LEPR: variants seen among roughly 807,000 people sequenced by gnomAD.
LEPR encodes the protein OB receptor.
LEPR carries 56 observed loss-of-function variants against 114.7 expected under a neutral mutation model. The observed-to-expected ratio is 0.49, with a 90% CI of 0.39 to 0.61. The LOEUF (loss-of-function observed/expected upper bound fraction) is 0.61. Among genes scored for constraint, LEPR ranks in the 20% least tolerant of loss-of-function variants. The probability of loss-of-function intolerance (pLI) is 0.00; values close to 1 mark genes in which losing one functional copy is unlikely to be tolerated. For missense variants in LEPR, 1,202 were observed against 1,352.9 expected (o/e 0.89, Z 1.75); for synonymous variants, 443 against 461.4 (o/e 0.96, Z 0.51).
intron 19 of LEPR, chr1:65,634,259 C>G (rs539064894): frequency 2.0e-6 from 2 of 975,806 alleles, no homozygotes; most frequent in Non-Finnish European, 2.4e-6. Flanking sequence ...AGATTTAACT[C>G]GTAGTTTTAT....
chr1:65,572,499 A>G (rs1456354102), intron 5 of LEPR, 50 bp downstream of exon 5: 1 of 1,513,652 alleles, frequency 6.6e-7, no homozygotes, highest in Non-Finnish European at 9.1e-7. Context: ...GTTTTTTTAA[A>G]AGAGCTTTCA....
At chr1:65,630,172 C>T in intron 19 of LEPR, 1 of 248,626 alleles carries the variant, frequency 4.0e-6, no homozygotes, top group Non-Finnish European at 7.9e-6. Context: ...TTACTCCTCA[C>T]TGTTTACTTA....
intron 2 of LEPR, among the ~76,000 whole-genome samples, chr1:65,472,196 T>A (rs183658655): frequency 6.1e-4 from 93 of 152,046 alleles, no homozygotes; most frequent in African/African-American, 1.4e-3. Flanking sequence ...CCGTTTTTTT[T>A]AAAAAAGCAT....
intron 2 of LEPR, among the ~76,000 whole-genome samples, chr1:65,511,283 A>C (rs10889558): frequency 2.6e-5 from 4 of 151,882 alleles, no homozygotes; most frequent in African/African-American, 9.7e-5. Flanking sequence ...ACCAACATCC[A>C]CACAACCTGG....
chr1:65,554,831 C>T (rs948516450), intron 2 of LEPR, among the ~76,000 whole-genome samples: 1 of 152,032 alleles, frequency 6.6e-6, no homozygotes. Flanking sequence ...AAACCCAGGG[C>T]CCTGGTGGTG....
rs984315459 is a variant in LEPR, at chr1:65,534,315, C to G, written c.-20-31231C>G. On this transcript the variant is annotated intron_variant, in intron 2 of 19. Coordinates refer to ENST00000349533, the MANE Select transcript of LEPR (RefSeq NM_002303.6). ...GTTACCATATGAATCCTTAAGTTAT[C>G]GAAGTTGAAAATGAATACACTTTGA... Among the ~76,000 whole-genome samples, 15 of 152,160 alleles carry G rather than the reference C, an allele frequency of 9.9e-5. No homozygotes were observed. The South Asian group carries it at 2.5e-3, about 25-fold the overall frequency.
At chr1:65,629,546 A>G (rs529344239) in intron 19 of LEPR, among the ~76,000 whole-genome samples, 1 of 152,270 alleles carries the variant, frequency 6.6e-6, no homozygotes, top group East Asian at 1.9e-4. Flanking sequence ...CCTGTTGATC[A>G]AAATTGTGCC....
At chr1:65,479,301 A>G (rs1225340760) in intron 2 of LEPR, among the ~76,000 whole-genome samples, 1 of 152,182 alleles carries the variant, frequency 6.6e-6, no homozygotes. Flanking sequence ...CAGCAGCATT[A>G]TTAAATAATG....
At position 65,633,732 on chromosome 1, in the gene LEPR, G is replaced by T. The variant is rs41285898; in HGVS notation, c.2674-2459G>T. ...CGGGTGTTCTTTTGAATATCTCCTG[G>T]CATTTTTGTATCTAACTTTGTTCAA... On this transcript the variant is annotated intron_variant, in intron 19 of 19. Coordinates refer to ENST00000349533, the MANE Select transcript of LEPR (RefSeq NM_002303.6). The surrounding 1 kb of genome is among the most constrained non-coding windows in gnomAD (Gnocchi z 4.1). The T allele has an allele frequency of 2.5e-5, 25 of 985,074 alleles. No individual in the cohort carries two copies. Among genetic ancestry groups the T allele is most frequent in the Non-Finnish European group, 2.9e-5 (24 of 829,732 alleles). The allele number at this position is 985,074 out of a possible 1,614,324, so 61.0% of individuals were successfully genotyped here. A position where few individuals can be genotyped will look rare whatever the true frequency, so the allele number is the denominator to read the frequency against.
chr1:65,523,830 T>A (rs754405123), intron 2 of LEPR, among the ~76,000 whole-genome samples: 2 of 152,016 alleles, frequency 1.3e-5, no homozygotes, highest in Non-Finnish European at 2.9e-5. Context: ...GGAAAAAGGG[T>A]CTTTGCAGAT....
At chr1:65,554,654 G>A (rs193049561) in intron 2 of LEPR, among the ~76,000 whole-genome samples, 110 of 152,258 alleles carry the variant, frequency 7.2e-4, no homozygotes, top group African/African-American at 2.5e-3. Context: ...CTCCATGGGG[G>A]TGGTATCCGC....
At chr1:65,533,489 A>G (rs1480588517) in intron 2 of LEPR, among the ~76,000 whole-genome samples, 1 of 152,074 alleles carries the variant, frequency 6.6e-6, no homozygotes, top group African/African-American at 2.4e-5. Flanking sequence ...TTTCTTTATT[A>G]TTTCTTTTTC....
chr1:65,504,200 A>AATAGG (rs949713524), intron 2 of LEPR, among the ~76,000 whole-genome samples: 1 of 152,178 alleles, frequency 6.6e-6, no homozygotes, highest in Non-Finnish European at 1.5e-5. Flanking sequence ...TAAGTAAACA[A>AATAGG]ATAGGGAACA....
In LEPR at chr1:65,472,411, A is replaced by AACACAC. The variant is rs71721804; in HGVS notation, c.-21+47062_-21+47067dup. On this transcript the variant is annotated intron_variant, in intron 2 of 19. Coordinates refer to ENST00000349533, the MANE Select transcript of LEPR (RefSeq NM_002303.6). Reference sequence around the variant, plus strand: ...CTCTGGGTCATTTAGCTGTGGCTAAAACACACACACACACACACACACACA... The same window carrying AACACAC: ...CTCTGGGTCATTTAGCTGTGGCTAAAACACACACACACACACACACACACACACACA... Among the ~76,000 whole-genome samples the AACACAC allele has an allele frequency of 9.6e-3, 1,283 of 133,276 alleles. 19 individuals are homozygous for AACACAC. The highest frequency in any genetic ancestry group is 0.028 in the African/African-American group (952 of 34,598). The allele number at this position is 133,276 out of a possible 152,430, so 87.4% of individuals were successfully genotyped here. A position where few individuals can be genotyped will look rare whatever the true frequency, so the allele number is the denominator to read the frequency against.
At chr1:65,557,497 G>A (rs942683901) in intron 2 of LEPR, among the ~76,000 whole-genome samples, 1 of 152,264 alleles carries the variant, frequency 6.6e-6, no homozygotes, top group Non-Finnish European at 1.5e-5. Context: ...TCAGCTCACT[G>A]CAACCTTCAC....
At chr1:65,503,373 A>C (rs1648559805) in intron 2 of LEPR, among the ~76,000 whole-genome samples, 1 of 152,198 alleles carries the variant, frequency 6.6e-6, no homozygotes, top group Admixed American at 6.6e-5. Context: ...TAAACAATTA[A>C]CAATGCTACA....
chr1:65,553,187 A>T (rs975849379), intron 2 of LEPR, among the ~76,000 whole-genome samples: 10 of 152,054 alleles, frequency 6.6e-5, no homozygotes, highest in Admixed American at 2.0e-4. Flanking sequence ...TTTGACGATT[A>T]TATGTCTTCA....
chr1:65,454,589 T>G (rs1336188457), intron 2 of LEPR, among the ~76,000 whole-genome samples: 1 of 152,214 alleles, frequency 6.6e-6, no homozygotes, highest in Non-Finnish European at 1.5e-5. Flanking sequence ...ATTCTTTTCT[T>G]TAAGAATGTT....
At chr1:65,427,772 T>A (rs1646408318) in intron 2 of LEPR, 2 of 408,738 alleles carry the variant, frequency 4.9e-6, no homozygotes, top group Non-Finnish European at 9.8e-6. Flanking sequence ...TTTAATTTTT[T>A]GTTTTTTAGA....
Sources: gnomAD v4.1 joint callset for allele counts (sites outside exome capture counted in the v4.1 genomes callset) on GRCh38, gnomAD v4.1.1 for gene constraint, Gnocchi (gnomAD v3.1) non-coding constraint, MANE v1.5 for transcripts, NCBI Gene and HGNC (gene_info 2026-07-23, HGNC 2026-07-21) for gene names.